LETM2: variants seen among roughly 807,000 people sequenced by gnomAD.
LETM2 encodes the protein LETM1 domain-containing protein LETM2, mitochondrial.
LETM2 carries 58 observed loss-of-function variants against 59.6 expected under a neutral mutation model. The observed-to-expected ratio is 0.97, with a 90% CI of 0.79 to 1.21. The LOEUF is 1.21. LETM2 is among the 50% of genes most tolerant of loss of function. The pLI, the probability that LETM2 is intolerant of heterozygous loss-of-function variation, is 0.00. For missense variants in LETM2, 572 were observed against 575.7 expected, an observed-to-expected ratio of 0.99 and a Z score of 0.07; for synonymous variants, 199 against 214.1, an observed-to-expected ratio of 0.93 and a Z score of 0.62.
intron 7 of LETM2, among the ~76,000 whole-genome samples, chr8:38,403,486 G>A (rs1420330032): frequency 1.3e-5 from 2 of 152,238 alleles, no homozygotes; most frequent in Non-Finnish European, 2.9e-5. Context: ...TTTTCAATTA[G>A]TGCCCCAAAC....
intron 2 of LETM2, among the ~76,000 whole-genome samples, 183 bp downstream of exon 2, chr8:38,388,213 G>A (rs1388022503): frequency 6.6e-6 from 1 of 151,482 alleles, no homozygotes; most frequent in Admixed American, 6.6e-5. Context: ...CCAAGTAACT[G>A]GGATTACAGG....
At position 38,400,889 on chromosome 8, in the gene LETM2, G is replaced by A. The variant is rs1031738432; in HGVS notation, c.820G>A (p.Val274Ile). 1 of 1,614,108 alleles carries A rather than the reference G, an allele frequency of 6.2e-7. No individual in the cohort carries two copies. The highest frequency in any genetic ancestry group is 1.3e-5 in the African/African-American group (1 of 74,948). Residue 274 changes from valine (V) to isoleucine (I), a missense_variant, in exon 6 of 11, where the codon GTT becomes ATT. Transcript: ENST00000379957. ...CCACAAGCCCAGCACAAAGGAGATAGTTCGCTTCTCCAAACTATTTGAGGA... is the reference window on the plus strand; with the variant it reads ...CCACAAGCCCAGCACAAAGGAGATAATTCGCTTCTCCAAACTATTTGAGGA... ...TGHKPSTKEI[V>I]RFSKLFEDQL...
At position 38,392,783 on chromosome 8, in the gene LETM2, A is replaced by G. The variant is rs1812398018; in HGVS notation, c.289A>G (p.Thr97Ala). ...VPGKPQLEQA[T>A]KHPQVTSPQA... is the part of the protein sequence containing the mutation. Reference sequence around the variant, plus strand: ...TGGCAAACCTCAGCTGGAGCAAGCCACAAAACATCCACAGGTGACAAGCCC... The same window carrying G: ...TGGCAAACCTCAGCTGGAGCAAGCCGCAAAACATCCACAGGTGACAAGCCC... The change falls in exon 3 of 11, where the codon ACA becomes GCA. Residue 97 changes from threonine (T) to alanine (A), a missense_variant. Transcript: ENST00000379957. The G allele has an allele frequency of 6.2e-7, 1 of 1,614,194 alleles. No homozygotes were observed. The highest frequency in any genetic ancestry group is 2.2e-5 in the East Asian group (1 of 44,890).
intron 4 of LETM2, among the ~76,000 whole-genome samples, chr8:38,398,118 C>T (rs143001495): frequency 0.012 from 1,765 of 146,988 alleles, 11 homozygotes; most frequent in Middle Eastern, 0.08. Flanking sequence ...CCAGCCTGGG[C>T]GACAGAGTGA....
chr8:38,405,657 T>C (rs1205243011), intron 8 of LETM2, among the ~76,000 whole-genome samples: 1 of 152,238 alleles, frequency 6.6e-6, no homozygotes, highest in Admixed American at 6.5e-5. Flanking sequence ...TTTCAGAGTA[T>C]AGACCATGTT....
intron 4 of LETM2, among the ~76,000 whole-genome samples, chr8:38,397,809 G>A (rs575338914): frequency 1.3e-5 from 2 of 152,224 alleles, no homozygotes; most frequent in African/African-American, 4.8e-5. Flanking sequence ...CCAAGAGAGA[G>A]ATGACAGAGA....
intron 6 of LETM2, among the ~76,000 whole-genome samples, 195 bp downstream of exon 6, chr8:38,401,248 C>T (rs1490647342): frequency 6.6e-6 from 1 of 152,134 alleles, no homozygotes; most frequent in Admixed American, 6.5e-5. Context: ...GTGATTCTCA[C>T]ACCTCAGCCT....
chr8:38,394,435 G>T, intron 4 of LETM2, 194 bp downstream of exon 4: 1 of 425,154 alleles, frequency 2.4e-6, no homozygotes, highest in South Asian at 6.5e-5. Context: ...TATTATTAAA[G>T]CTCATACTTT....
chr8:38,397,664 A>G (rs1303571770), intron 4 of LETM2, among the ~76,000 whole-genome samples: 3 of 152,256 alleles, frequency 2.0e-5, no homozygotes, highest in African/African-American at 2.4e-5. Context: ...ATGGTGAATA[A>G]TGGAAAGGGA....
At chr8:38,397,165 AC>A (rs1408782654) in intron 4 of LETM2, 2 of 455,834 alleles carry the variant, frequency 4.4e-6, no homozygotes, top group Non-Finnish European at 8.8e-6. Flanking sequence ...TTATGAGAAG[AC>A]AAAAAGTGCA....
chr8:38,396,930 A>G (rs1186718747), intron 4 of LETM2: 4 of 314,246 alleles, frequency 1.3e-5, no homozygotes, highest in South Asian at 7.8e-5. Flanking sequence ...AAAAAAGAAT[A>G]AAGAAAACAG....
chr8:38,408,192 T>A lies in LETM2; in HGVS notation c.1414-20T>A, dbSNP rs751042384. The stretch of plus-strand genomic sequence containing the variant: ...ACACGTCTGTGACTAATGCCTACAG[T>A]CCTTGTTTTTTACGCCTAGACACTC... On this transcript the variant is annotated intron_variant, in intron 10 of 10. Coordinates refer to ENST00000379957, the MANE Select transcript of LETM2 (RefSeq NM_001286819.2). 4.4e-6 allele frequency: 7 copies of A among 1,607,718 alleles called. No individual in the cohort carries two copies. Among genetic ancestry groups the A allele is most frequent in the Non-Finnish European group, 6.0e-6 (7 of 1,176,040 alleles).
intron 7 of LETM2, 72 bp from the exon 8 acceptor site, chr8:38,404,321 G>C (rs1813514647): frequency 5.8e-6 from 6 of 1,036,660 alleles, no homozygotes; most frequent in African/African-American, 1.6e-5. Context: ...CAGCCAGGGA[G>C]GGTAGATGAC....
chr8:38,402,221 C>T (rs578127080), intron 6 of LETM2, among the ~76,000 whole-genome samples: 7 of 152,150 alleles, frequency 4.6e-5, no homozygotes, highest in African/African-American at 1.7e-4. Flanking sequence ...CATAAAGCTG[C>T]CATGGAAAAG....
chr8:38,402,658 C>T lies in LETM2; in HGVS notation c.1104+14C>T. ...CAGCTCACGGAGGCAAGTAGCAGCG[C>T]CCCTCTGGGGTCCTCTTCCCTAGAA... On this transcript the variant is annotated intron_variant, in intron 7 of 10. Coordinates refer to ENST00000379957, the MANE Select transcript of LETM2 (RefSeq NM_001286819.2). 6.2e-7 allele frequency: 1 copy of T among 1,613,700 alleles called. No homozygotes were observed. The highest frequency in any genetic ancestry group is 2.2e-5 in the East Asian group (1 of 44,882).
At chr8:38,400,090 C>A (rs1813059037) in intron 4 of LETM2, among the ~76,000 whole-genome samples, 182 bp from the exon 5 acceptor site, 1 of 152,134 alleles carries the variant, frequency 6.6e-6, no homozygotes, top group Non-Finnish European at 1.5e-5. Context: ...GAGACAAGTT[C>A]CAAATAGAGG....
chr8:38,403,922 T>G (rs1813465153), intron 7 of LETM2, among the ~76,000 whole-genome samples: 1 of 152,106 alleles, frequency 6.6e-6, no homozygotes, highest in Non-Finnish European at 1.5e-5. Flanking sequence ...GCAGTGGCAC[T>G]AACACAGGCC....
chr8:38,399,443 C>T (rs1234755182), intron 4 of LETM2, among the ~76,000 whole-genome samples: 1 of 152,156 alleles, frequency 6.6e-6, no homozygotes, highest in Non-Finnish European at 1.5e-5. Flanking sequence ...AAGGAGTTAG[C>T]TCAACTGGCA....
rs191582693 is a variant in LETM2, at chr8:38,388,548, C to T, written c.47+518C>T. Among the ~76,000 whole-genome samples, 699 of 149,850 alleles carry T rather than the reference C, an allele frequency of 4.7e-3. 5 individuals carry two copies. Among genetic ancestry groups the T allele is most frequent in the African/African-American group, 0.016 (662 of 41,052 alleles). Reference sequence around the variant, plus strand: ...ACCAGCCTGACCAACATGGTGAAACCCCGTCTCTACTAAAACTGCAAAAAT... The same window carrying T: ...ACCAGCCTGACCAACATGGTGAAACTCCGTCTCTACTAAAACTGCAAAAAT... On this transcript the variant is annotated intron_variant, in intron 2 of 10. Transcript: ENST00000379957.
Sources: gnomAD v4.1 joint callset for allele counts (sites outside exome capture counted in the v4.1 genomes callset) on GRCh38, gnomAD v4.1.1 for gene constraint, MANE v1.5 for transcripts, NCBI Gene and HGNC (gene_info 2026-07-23, HGNC 2026-07-21) for gene names.